The following PIGN variants were observed in gnomAD, a reference collection of about 807,000 sequenced individuals.
The protein encoded by PIGN is phosphatidylinositol glycan anchor biosynthesis class N.
Under a neutral mutation model 125.4 loss-of-function variants are expected in PIGN, and 117 were observed. The observed-to-expected ratio is 0.93, with a 90% CI of 0.80 to 1.09. The LOEUF is 1.09. PIGN is among the 50% of genes least tolerant of loss of function. The pLI, the probability that PIGN is intolerant of heterozygous loss-of-function variation, is 0.00. For missense variants in PIGN, 1,075 were observed against 1,094.9 expected, an observed-to-expected ratio of 0.98 and a Z score of 0.26; for synonymous variants, 392 against 377.8, an observed-to-expected ratio of 1.04 and a Z score of -0.44.
chr18:62,058,361 G>A (rs1311222261), intron 30 of PIGN, among the ~76,000 whole-genome samples: 1 of 152,184 alleles, frequency 6.6e-6, no homozygotes, highest in Non-Finnish European at 1.5e-5. Flanking sequence ...TGACTACCAA[G>A]TGACCGGAAA....
At chr18:62,124,950 CA>C (rs149075155) in intron 14 of PIGN, among the ~76,000 whole-genome samples, 36,083 of 151,584 alleles carry the variant, frequency 0.24, 4,544 homozygotes, top group Middle Eastern at 0.38. Context: ...TAGTTAAATA[CA>C]AAAAAAGCAT....
At chr18:62,021,971 T>G (rs1182085517) in intron 23 of PIGN, among the ~76,000 whole-genome samples, 1 of 152,218 alleles carries the variant, frequency 6.6e-6, no homozygotes, top group Non-Finnish European at 1.5e-5. Context: ...GCCATTATTA[T>G]TAGTAGTAGC....
At chr18:62,128,625 A>G (rs2035621408) in intron 14 of PIGN, among the ~76,000 whole-genome samples, 1 of 151,946 alleles carries the variant, frequency 6.6e-6, no homozygotes, top group Non-Finnish European at 1.5e-5. Flanking sequence ...AAAAAAAGGT[A>G]GAAGAGTTCA....
chr18:62,095,903 G>C lies in PIGN; in HGVS notation c.2125C>G (p.Arg709Gly). Residue 709 changes from arginine to glycine, a missense_variant, in exon 23 of 31, where the codon CGA (arginine) becomes GGA (glycine). Arg to Gly is a moderately radical substitution (Grantham distance 125). Transcript: ENST00000640252. ...PLLSSPVLFQ[R>G]LFSILLSLMS... ...AATGAAAGAAGTATGCTGAACAATCGCTGAAAGAGAACTGGAGAACTCAGT... is the reference window on the plus strand; with the variant it reads ...AATGAAAGAAGTATGCTGAACAATCCCTGAAAGAGAACTGGAGAACTCAGT... 1 of 1,613,056 alleles carries C rather than the reference G, an allele frequency of 6.2e-7. No homozygotes were observed. The highest frequency in any genetic ancestry group is 8.5e-7 in the Non-Finnish European group (1 of 1,179,214).
chr18:62,075,395 G>A (rs1290258154), intron 28 of PIGN: 1 of 152,162 alleles, frequency 6.6e-6, no homozygotes, highest in Non-Finnish European at 1.5e-5. Flanking sequence ...TTTATGAGTA[G>A]AATCACATAC....
chr18:62,040,759 C>T (rs80004801), downstream of PIGN, among the ~76,000 whole-genome samples: 1,496 of 152,236 alleles, frequency 9.8e-3, 48 homozygotes, highest in East Asian at 0.069. Flanking sequence ...TGTTGACAGA[C>T]GATTTCTAGA....
At chr18:62,056,496 C>T (rs892070519) in intron 30 of PIGN, among the ~76,000 whole-genome samples, 17 of 138,740 alleles carry the variant, frequency 1.2e-4, no homozygotes, top group African/African-American at 4.7e-4. Flanking sequence ...TTCCTCCCAT[C>T]TCAGCAGATG....
chr18:62,086,567 A>C (rs1030178032), intron 25 of PIGN, among the ~76,000 whole-genome samples: 24 of 151,666 alleles, frequency 1.6e-4, no homozygotes, highest in African/African-American at 5.1e-4. Flanking sequence ...CAGTGAGCCA[A>C]GATTGTGCCA....
chr18:62,133,181 A>G (rs1472990309), intron 14 of PIGN, among the ~76,000 whole-genome samples: 1 of 152,230 alleles, frequency 6.6e-6, no homozygotes, highest in Non-Finnish European at 1.5e-5. Flanking sequence ...CATTAAAGGT[A>G]GGCTAGACTA....
chr18:62,049,271 T>A (rs1258554627), intron 30 of PIGN, among the ~76,000 whole-genome samples: 1 of 152,110 alleles, frequency 6.6e-6, no homozygotes, highest in Non-Finnish European at 1.5e-5. Context: ...CCCTGAGGAA[T>A]CGCCACACTG....
Position 62,107,014 on chromosome 18 carries a change from A to G in PIGN, c.1646T>C (p.Leu549Ser), listed in dbSNP as rs769428343. 8.2e-6 allele frequency: 13 copies of G among 1,589,746 alleles called. No homozygotes were observed. In the East Asian group the frequency reaches 2.5e-4, roughly 31 times the overall value. ...YPLSHFVGYL[L>S]AFTLGIEVLV... is the part of the protein sequence containing the mutation. ...TACTTCAATTCCCAGGGTAAAGGCT[A>G]ACAGGTACCCAACAAAATGGCTCAG... Residue 549 changes from leucine to serine, a missense_variant, in exon 18 of 31, where the codon TTA becomes TCA. Leu to Ser is a moderately radical substitution (Grantham distance 145). Around this residue, in one of 3 missense-constraint regions of PIGN, gnomAD observed 915 missense variants for 908.7 expected, o/e 1.01. Transcript: ENST00000640252.
At chr18:62,064,413 T>A (rs773192127) in intron 30 of PIGN, among the ~76,000 whole-genome samples, 1 of 152,242 alleles carries the variant, frequency 6.6e-6, no homozygotes, top group Non-Finnish European at 1.5e-5. Context: ...GTCTTAAGGC[T>A]GGCAGTCCAT....
At chr18:62,093,072 C>T (rs1045157136) in intron 23 of PIGN, among the ~76,000 whole-genome samples, 2 of 152,004 alleles carry the variant, frequency 1.3e-5, no homozygotes, top group Admixed American at 6.6e-5. Context: ...TTGCATAGTG[C>T]TCTGGACACT....
chr18:62,126,049 A>G (rs1270763073), intron 14 of PIGN, among the ~76,000 whole-genome samples: 2 of 152,080 alleles, frequency 1.3e-5, no homozygotes, highest in African/African-American at 2.4e-5. Flanking sequence ...TTAAAACAGC[A>G]TGAGAAAAAA....
chr18:62,023,496 T>C (rs2030079041), intron 23 of PIGN, among the ~76,000 whole-genome samples: 1 of 152,248 alleles, frequency 6.6e-6, no homozygotes, highest in Non-Finnish European at 1.5e-5. Context: ...ACAATCACTT[T>C]CCTCATTTCT....
intron 23 of PIGN, among the ~76,000 whole-genome samples, chr18:62,020,004 A>T (rs1297742130): frequency 6.6e-6 from 1 of 152,248 alleles, no homozygotes; most frequent in Non-Finnish European, 1.5e-5. Flanking sequence ...GCACGGTCCC[A>T]TTGGGAGAGT....
At chr18:62,072,351 T>C (rs1035871428) in intron 30 of PIGN, 54 of 181,052 alleles carry the variant, frequency 3.0e-4, no homozygotes, top group African/African-American at 1.2e-3. Context: ...GCAAGCTCCA[T>C]TCATGGTAAG....
At chr18:62,173,673 A>G (rs2037416061) in intron 1 of PIGN, among the ~76,000 whole-genome samples, 1 of 152,240 alleles carries the variant, frequency 6.6e-6, no homozygotes, top group Non-Finnish European at 1.5e-5. Context: ...AATGGTTGTG[A>G]GGATTAGAAT....
At chr18:62,164,130 T>C (rs1031580759) in intron 1 of PIGN, among the ~76,000 whole-genome samples, 1 of 152,202 alleles carries the variant, frequency 6.6e-6, no homozygotes, top group Non-Finnish European at 1.5e-5. Flanking sequence ...AGTGATATTA[T>C]GAACATGGGT....
Sources: allele counts gnomAD v4.1 joint callset (sites outside exome capture counted in the v4.1 genomes callset), GRCh38; gene constraint gnomAD v4.1.1; regional missense constraint gnomAD v4.1.1; transcripts MANE v1.5; gene names NCBI Gene and HGNC (gene_info 2026-07-23, HGNC 2026-07-21).